The following MSRB3 variants were observed in gnomAD, a reference collection of about 807,000 sequenced individuals.
MSRB3 encodes methionine sulfoxide reductase B3.
Under a neutral mutation model 21.0 loss-of-function variants are expected in MSRB3, and 13 were observed. The observed-to-expected ratio is 0.62, with a 90% CI of 0.40 to 0.98. MSRB3 has a LOEUF of 0.98. Among genes scored for constraint, MSRB3 ranks in the 50% least tolerant of loss-of-function variants. The probability of loss-of-function intolerance (pLI) is 0.00; values close to 1 mark genes in which losing one functional copy is unlikely to be tolerated. For missense variants in MSRB3, 199 were observed against 230.3 expected, an observed-to-expected ratio of 0.86 and a Z score of 0.88; for synonymous variants, 87 against 88.6, an observed-to-expected ratio of 0.98 and a Z score of 0.10.
intron 5 of MSRB3, among the ~76,000 whole-genome samples, chr12:65,416,299 G>A (rs991664627): frequency 2.6e-5 from 4 of 152,182 alleles, no homozygotes; most frequent in Admixed American, 2.6e-4. Context: ...AACACAGGAA[G>A]ACTTACCCTG....
intron 5 of MSRB3, among the ~76,000 whole-genome samples, chr12:65,391,969 C>T (rs1479065731): frequency 6.6e-6 from 1 of 152,102 alleles, no homozygotes; most frequent in Non-Finnish European, 1.5e-5. Flanking sequence ...CTCTCAAGGG[C>T]CTGCCTGATT....
At chr12:65,307,351 A>G (rs1419836088) in intron 1 of MSRB3, among the ~76,000 whole-genome samples, 1 of 152,202 alleles carries the variant, frequency 6.6e-6, no homozygotes, top group African/African-American at 2.4e-5. Context: ...ATGTTAATAC[A>G]AGCAGATTTC....
intron 5 of MSRB3, among the ~76,000 whole-genome samples, chr12:65,394,628 A>G (rs566892572): frequency 6.6e-6 from 1 of 152,366 alleles, no homozygotes; most frequent in Non-Finnish European, 1.5e-5. Flanking sequence ...AATCCAGACA[A>G]CGATCACAAG....
At chr12:65,430,528 GA>G (rs1881825778) in intron 5 of MSRB3, among the ~76,000 whole-genome samples, 2 of 152,020 alleles carry the variant, frequency 1.3e-5, no homozygotes, top group Non-Finnish European at 2.9e-5. Flanking sequence ...AAAATAAATG[GA>G]AAAAGTAGTA....
chr12:65,414,695 T>A (rs1171360128), intron 5 of MSRB3, among the ~76,000 whole-genome samples: 1 of 152,204 alleles, frequency 6.6e-6, no homozygotes, highest in East Asian at 1.9e-4. Context: ...AACATGTGAC[T>A]GTAATTTAAA....
At chr12:65,352,031 T>A (rs1416605540) in intron 4 of MSRB3, among the ~76,000 whole-genome samples, 2 of 151,924 alleles carry the variant, frequency 1.3e-5, no homozygotes, top group Non-Finnish European at 2.9e-5. Context: ...TTTAGACCAA[T>A]ATCCTTGATG....
intron 5 of MSRB3, among the ~76,000 whole-genome samples, chr12:65,445,857 C>G (rs1359783685): frequency 6.6e-6 from 1 of 151,938 alleles, no homozygotes; most frequent in African/African-American, 2.4e-5. Context: ...GTTGCCCAGG[C>G]TGGTCTCGAA....
chr12:65,454,112 C>T (rs184461200), intron 6 of MSRB3: 7 of 602,878 alleles, frequency 1.2e-5, no homozygotes, highest in African/African-American at 3.7e-5. Flanking sequence ...AGTGAGACCT[C>T]GTCTCTACAG....
At chr12:65,457,058 T>C (rs1294797054) in intron 6 of MSRB3, among the ~76,000 whole-genome samples, 2 of 152,082 alleles carry the variant, frequency 1.3e-5, no homozygotes, top group African/African-American at 4.8e-5. Context: ...AAATAAAAGA[T>C]TTAGTAGTTC....
chr12:65,308,422 A>G (rs937775966), intron 1 of MSRB3, 107 bp from the exon 2 acceptor site: 4 of 1,411,630 alleles, frequency 2.8e-6, no homozygotes, highest in African/African-American at 2.8e-5. Context: ...CAGTATGTGC[A>G]TGTGTTCAGT....
intron 5 of MSRB3, among the ~76,000 whole-genome samples, chr12:65,412,046 A>G (rs969851233): frequency 6.6e-6 from 1 of 152,130 alleles, no homozygotes; most frequent in Non-Finnish European, 1.5e-5. Context: ...GGCTGTGTTC[A>G]TGAGACCGCA....
At chr12:65,345,807 C>T (rs1175261330) in intron 4 of MSRB3, among the ~76,000 whole-genome samples, 1 of 152,096 alleles carries the variant, frequency 6.6e-6, no homozygotes, top group African/African-American at 2.4e-5. Flanking sequence ...GTTCAATTCC[C>T]ACCTATGAGT....
intron 4 of MSRB3, among the ~76,000 whole-genome samples, chr12:65,338,254 A>C (rs1875913780): frequency 6.6e-6 from 1 of 152,184 alleles, no homozygotes; most frequent in Non-Finnish European, 1.5e-5. Context: ...TTTCAAGTAC[A>C]GATATGACAT....
intron 2 of MSRB3, among the ~76,000 whole-genome samples, chr12:65,319,012 T>C (rs1874492680): frequency 6.6e-6 from 1 of 152,190 alleles, no homozygotes; most frequent in Admixed American, 6.5e-5. Flanking sequence ...GCTAAACTTC[T>C]ATTGTTTCCC....
chr12:65,347,589 C>A (rs1008475321), intron 4 of MSRB3, among the ~76,000 whole-genome samples: 1 of 152,154 alleles, frequency 6.6e-6, no homozygotes, highest in Non-Finnish European at 1.5e-5. Context: ...CTTTCTCCTG[C>A]CTAATTGCCC....
chr12:65,464,839 C>T lies in MSRB3; in HGVS notation c.*1517C>T, dbSNP rs1055429172. ...TGGGCATTCACATGGAAAGCTAAAA[C>T]GGAAGCTCAAGTTTCATACTCAACA... On this transcript the variant is annotated 3_prime_UTR_variant, in exon 7 of 7. Transcript: ENST00000308259. 9.2e-5 allele frequency: 14 copies of T among 152,152 alleles called. No homozygotes were observed. Among genetic ancestry groups the T allele is most frequent in the Non-Finnish European group, 1.5e-4 (10 of 68,040 alleles). The allele number at this position is 152,152 out of a possible 1,614,324, so 9.4% of individuals were successfully genotyped here. A position where few individuals can be genotyped will look rare whatever the true frequency, so the allele number is the denominator to read the frequency against.
intron 5 of MSRB3, among the ~76,000 whole-genome samples, chr12:65,422,965 T>TC (rs1262881018): frequency 5.4e-5 from 8 of 147,298 alleles, no homozygotes; most frequent in Admixed American, 1.3e-4. Context: ...GGTTTTCTTT[T>TC]TTTTTTTTTT....
Position 65,309,469 on chromosome 12 carries a change from A to G in MSRB3, c.76+814A>G, listed in dbSNP as rs994098882. 4.6e-5 allele frequency among the ~76,000 whole-genome samples: 7 copies of G among 152,188 alleles called. 1 individual carries two copies. Among genetic ancestry groups the G allele is most frequent in the Admixed American group, 1.3e-4 (2 of 15,266 alleles). Reference sequence around the variant, plus strand: ...ATGCCAGGCATTGTGTTAAGCAGTGAGGATACAGTGATAAATAAGGTAAAG... The same window carrying G: ...ATGCCAGGCATTGTGTTAAGCAGTGGGGATACAGTGATAAATAAGGTAAAG... On this transcript the variant is annotated intron_variant, in intron 2 of 6. Coordinates refer to ENST00000308259, the MANE Select transcript of MSRB3 (RefSeq NM_001031679.3).
At chr12:65,439,497 G>A (rs1882274081) in intron 5 of MSRB3, among the ~76,000 whole-genome samples, 2 of 151,448 alleles carry the variant, frequency 1.3e-5, no homozygotes, top group Non-Finnish European at 3.0e-5. Flanking sequence ...GTATTCTCAT[G>A]GAACATTAGA....
Sources: allele counts gnomAD v4.1 joint callset (sites outside exome capture counted in the v4.1 genomes callset), GRCh38; gene constraint gnomAD v4.1.1; transcripts MANE v1.5; gene names NCBI Gene and HGNC (gene_info 2026-07-23, HGNC 2026-07-21).